The following TRPV4 variants were observed in gnomAD, a reference collection of about 807,000 sequenced individuals.
TRPV4 encodes the protein OSM9-like transient receptor potential channel 4.
A neutral mutation model predicts 84.1 loss-of-function variants in TRPV4; 58 were observed. The observed-to-expected ratio is 0.69, with a 90% CI of 0.56 to 0.86. TRPV4 has a LOEUF of 0.86. TRPV4 is among the 40% of genes least tolerant of loss of function. The probability of loss-of-function intolerance (pLI) is 0.00; values close to 1 mark genes in which losing one functional copy is unlikely to be tolerated. For missense variants in TRPV4, 879 were observed against 1,181.1 expected, an observed-to-expected ratio of 0.74 and a Z score of 3.75; for synonymous variants, 489 against 500.9, an observed-to-expected ratio of 0.98 and a Z score of 0.32.
At chr12:109,819,565 G>A (rs921534189) in intron 1 of TRPV4, among the ~76,000 whole-genome samples, 6 of 152,118 alleles carry the variant, frequency 3.9e-5, no homozygotes, top group East Asian at 1.9e-4. Context: ...TCAGAGCAGC[G>A]GGTGTTTGTT....
rs529903399 is a variant in TRPV4 at position 109,785,143 on chromosome 12, C to G, written c.2337-706G>C. On this transcript the variant is annotated intron_variant, in intron 14 of 15. Coordinates refer to ENST00000261740, the MANE Select transcript of TRPV4 (RefSeq NM_021625.5). ...CTCAAGTGATCCGCCCACTTCAGCC[C>G]CCCATGTAGCTGGGATTACAGGGAT... 3.3e-5 allele frequency among the ~76,000 whole-genome samples: 5 copies of G among 152,100 alleles called. No individual in the cohort carries two copies. In the South Asian group the frequency reaches 1.0e-3, roughly 32 times the overall value.
At chr12:109,829,596 G>A (rs947160652) in intron 1 of TRPV4, among the ~76,000 whole-genome samples, 3 of 152,234 alleles carry the variant, frequency 2.0e-5, no homozygotes, top group Non-Finnish European at 4.4e-5. Flanking sequence ...GCCCTGGAAT[G>A]GGCCTGGGGA....
intron 2 of TRPV4, among the ~76,000 whole-genome samples, chr12:109,810,401 G>A (rs1044634092): frequency 6.6e-6 from 1 of 152,250 alleles, no homozygotes; most frequent in Non-Finnish European, 1.5e-5. Flanking sequence ...CAGAGGGGAA[G>A]GGGAATGCAG....
Position 109,796,693 on chromosome 12 carries a change from G to A in TRPV4, c.1164C>T (p.His388=). Residue 388 remains histidine, a synonymous_variant, in exon 7 of 16, where the codon CAC becomes CAT. Coordinates refer to ENST00000261740, the MANE Select transcript of TRPV4 (RefSeq NM_021625.5). This position sits in a 1 kb window ranked among gnomAD's most constrained non-coding sequence, Gnocchi z 4.2. ...AKTGKIGIFQ[H]IIRREVTDED... is the part of the protein sequence containing the mutation. ...CATCCGTCACCTCCCGCCGGATGATGTGCTGAAAGATCTGCACAGGGGGCC... is the reference window on the plus strand; with the variant it reads ...CATCCGTCACCTCCCGCCGGATGATATGCTGAAAGATCTGCACAGGGGGCC... 6.2e-7 allele frequency: 1 copy of A among 1,612,786 alleles called. No homozygotes were observed. The highest frequency in any genetic ancestry group is 8.5e-7 in the Non-Finnish European group (1 of 1,178,990).
At chr12:109,791,999 GGAGGGTGGATCACCT>G (rs1336085510) in intron 12 of TRPV4, among the ~76,000 whole-genome samples, 1 of 151,618 alleles carries the variant, frequency 6.6e-6, no homozygotes, top group African/African-American at 2.4e-5. Flanking sequence ...GGGAGGCCAA[GGAGGGTGGATCACCT>G]GAGGTCAGGA....
In TRPV4 at chr12:109,788,531, C is replaced by T. The variant is rs761952727; in HGVS notation, c.2077G>A (p.Val693Met). Residue 693 changes from valine to methionine, a missense_variant, in exon 13 of 16, where the codon GTG becomes ATG. By Grantham distance (21) the Val-to-Met change is conservative. Coordinates refer to ENST00000261740, the MANE Select transcript of TRPV4 (RefSeq NM_021625.5). ...LEMLSSTKYP[V>M]VFIILLVTYI... ...GTCACCAGCAGGATGATGAAGACCA[C>T]GGGGTACTTGGTGCTGCTCAGCATC... 9.9e-6 allele frequency: 16 copies of T among 1,614,088 alleles called. No individual in the cohort carries two copies. In the East Asian group the frequency reaches 2.0e-4, roughly 20 times the overall value.
At position 109,784,316 on chromosome 12, in the gene TRPV4, C is replaced by A. The variant is rs768849310; in HGVS notation, c.2458G>T (p.Asp820Tyr). ...CCTCCGCACCCGCCCCTCCACTCAC[C>A]CCTGCGGAGGCGGCCCACGGTATGC... is the stretch of plus-strand genomic sequence containing the variant. Reference protein sequence around the residue: ...FSHTVGRLRRDRWSSVVPRVV... With the variant: ...FSHTVGRLRRYRWSSVVPRVV... Residue 820 changes from aspartate (D) to tyrosine (Y), a missense_variant and splice_region_variant, in exon 15 of 16, where the codon GAT becomes TAT. Physicochemically the swap from Asp to Tyr is radical, Grantham distance 160. Around this residue, in one of 4 missense-constraint regions of TRPV4, gnomAD observed 242 missense variants for 355.3 expected, o/e 0.68. Transcript: ENST00000261740. The A allele has an allele frequency of 2.4e-5, 39 of 1,614,036 alleles. No homozygotes were observed. Among genetic ancestry groups the A allele is most frequent in the Non-Finnish European group, 3.3e-5 (39 of 1,180,046 alleles).
Position 109,793,934 on chromosome 12 carries a change from G to A in TRPV4, c.1580C>T (p.Thr527Ile), listed in dbSNP as rs1592829777. Residue 527 changes from threonine to isoleucine, a missense_variant, in exon 9 of 16, where the codon ACC (threonine) becomes ATC (isoleucine). Transcript: ENST00000261740. This position sits in a 1 kb window ranked among gnomAD's most constrained non-coding sequence, Gnocchi z 4.0. ...GCACGGGGGCCAGGCACTTACGTTG[G>A]TGAAGAAGAACAGGACCCCAGTGAA... ...TLFTGVLFFF[T>I]NIKDLFMKKC... 2 of 1,608,526 alleles carry A rather than the reference G, an allele frequency of 1.2e-6. No individual in the cohort carries two copies. Among genetic ancestry groups the A allele is most frequent in the Non-Finnish European group, 1.7e-6 (2 of 1,178,220 alleles).
intron 5 of TRPV4, among the ~76,000 whole-genome samples, chr12:109,799,878 G>A (rs960946693): frequency 4.6e-5 from 7 of 151,788 alleles, no homozygotes; most frequent in Non-Finnish European, 7.4e-5. Flanking sequence ...CTCCAGCCTC[G>A]GCCTCCCAAG....
intron 14 of TRPV4, among the ~76,000 whole-genome samples, chr12:109,784,860 C>CGTGTGTGTGTGTGT (rs58584964): frequency 7.3e-5 from 9 of 123,796 alleles, no homozygotes; most frequent in African/African-American, 2.9e-4. Context: ...AAAAAAAAGA[C>CGTGTGTGTGTGTGT]GTGTGTGTGT....
intron 1 of TRPV4, among the ~76,000 whole-genome samples, chr12:109,830,044 G>A (rs769877399): frequency 6.6e-6 from 1 of 152,156 alleles, no homozygotes; most frequent in East Asian, 1.9e-4. Context: ...TCAAACTCAC[G>A]GGCTCGACCG....
chr12:109,784,229 G>T, intron 15 of TRPV4, 87 bp downstream of exon 15: 1 of 1,588,608 alleles, frequency 6.3e-7, no homozygotes. Context: ...CACGGACACT[G>T]AGTCCCGGAA....
chr12:109,814,394 A>G lies in TRPV4; in HGVS notation c.386+17T>C, dbSNP rs1216032246. 6.2e-7 allele frequency: 1 copy of G among 1,613,296 alleles called. No homozygotes were observed. Among genetic ancestry groups the G allele is most frequent in the Admixed American group, 1.7e-5 (1 of 59,920 alleles). On this transcript the variant is annotated intron_variant, in intron 2 of 15. Transcript: ENST00000261740. The surrounding 1 kb of genome is among the most constrained non-coding windows in gnomAD (Gnocchi z 5.4). ...ACAGAGGAGGAGACCACAGGCCAGG[A>G]AGCTAACAATACTCACTCTATGATC...
chr12:109,784,790 G>A (rs1466299713), intron 14 of TRPV4, among the ~76,000 whole-genome samples: 5 of 139,112 alleles, frequency 3.6e-5, no homozygotes, highest in African/African-American at 5.4e-5. Flanking sequence ...GCAGTGAGCC[G>A]AGATCACGCC....
chr12:109,831,316 G>A lies in TRPV4; in HGVS notation c.-32+2034C>T, dbSNP rs139672350. 6.2e-3 allele frequency among the ~76,000 whole-genome samples: 939 copies of A among 152,238 alleles called. 11 individuals carry two copies. The highest frequency in any genetic ancestry group is 0.021 in the African/African-American group (868 of 41,526). On this transcript the variant is annotated intron_variant, in intron 1 of 15. Transcript: ENST00000261740. ...TAAACACTACCTTGACCAAGCCCTCGTGGGTCCTTCCTGGGCCAGTCCTCC... is the reference window on the plus strand; with the variant it reads ...TAAACACTACCTTGACCAAGCCCTCATGGGTCCTTCCTGGGCCAGTCCTCC...
chr12:109,793,455 A>G lies in TRPV4; in HGVS notation c.1658+72T>C, dbSNP rs1890166812. ...TTCTAACAGAATCACCTCTCTCCTGAATCTGGACGACCTAGCAGCCCAAAC... is the reference window on the plus strand; with the variant it reads ...TTCTAACAGAATCACCTCTCTCCTGGATCTGGACGACCTAGCAGCCCAAAC... On this transcript the variant is annotated intron_variant, in intron 10 of 15. Transcript: ENST00000261740. The surrounding 1 kb of genome is among the most constrained non-coding windows in gnomAD (Gnocchi z 4.0). The G allele has an allele frequency of 4.6e-6, 6 of 1,317,410 alleles. No homozygotes were observed. Among genetic ancestry groups the G allele is most frequent in the Non-Finnish European group, 6.6e-6 (6 of 910,922 alleles). The allele number at this position is 1,317,410 out of a possible 1,614,324, so 81.6% of individuals were successfully genotyped here.
intron 1 of TRPV4, among the ~76,000 whole-genome samples, chr12:109,827,699 CACAT>C (rs1222439172): frequency 6.6e-6 from 1 of 151,710 alleles, no homozygotes; most frequent in African/African-American, 2.4e-5. Flanking sequence ...TTCACATACA[CACAT>C]ACACATGTAT....
chr12:109,802,838 G>GCATC lies in TRPV4; in HGVS notation c.712+149_712+152dup, dbSNP rs111807515. On this transcript the variant is annotated intron_variant, in intron 4 of 15. Transcript: ENST00000261740. ...TCCATCCATCTATCCATGCATCCAT[G>GCATC]CATCCATCCATCCATCCATCCATCC... Among the ~76,000 whole-genome samples, 18,865 of 151,284 alleles carry GCATC rather than the reference G, an allele frequency of 0.12. 1,490 individuals carry two copies. The highest frequency in any genetic ancestry group is 0.22 in the African/African-American group (8,892 of 41,056).
rs143835743 is a variant in TRPV4 at position 109,786,776 on chromosome 12, C to T, written c.2270G>A (p.Arg757His). Reference protein sequence around the residue: ...SFPVFLRKAFRSGEMVTVGKS... With the variant: ...SFPVFLRKAFHSGEMVTVGKS... ...GCCCACGGTGACCATCTCCCCAGAGCGGAAGGCCTTCCTCAGGAATACGGG... is the reference window on the plus strand; with the variant it reads ...GCCCACGGTGACCATCTCCCCAGAGTGGAAGGCCTTCCTCAGGAATACGGG... The change falls in exon 14 of 16, where the codon CGC (arginine) becomes CAC (histidine). Residue 757 changes from arginine (R) to histidine (H), a missense_variant. This residue lies in a region of TRPV4 where 242 missense variants were observed against 355.3 expected (regional missense o/e 0.68). Coordinates refer to ENST00000261740, the MANE Select transcript of TRPV4 (RefSeq NM_021625.5). This position sits in a 1 kb window ranked among gnomAD's most constrained non-coding sequence, Gnocchi z 4.5. 9.9e-6 allele frequency: 16 copies of T among 1,613,938 alleles called. No individual in the cohort carries two copies. The highest frequency in any genetic ancestry group is 1.6e-4 in the Middle Eastern group (1 of 6,084).
Sources: allele counts gnomAD v4.1 joint callset (sites outside exome capture counted in the v4.1 genomes callset), GRCh38; gene constraint gnomAD v4.1.1; regional missense constraint gnomAD v4.1.1; non-coding constraint Gnocchi (gnomAD v3.1); transcripts MANE v1.5; gene names NCBI Gene and HGNC (gene_info 2026-07-23, HGNC 2026-07-21).